Variants in TMEM132B observed in about 807,000 individuals in gnomAD.
The protein encoded by TMEM132B is transmembrane protein 132B.
Under a neutral mutation model 90.8 loss-of-function variants are expected in TMEM132B, and 18 were observed. That is an observed-to-expected ratio of 0.20 (90% confidence interval 0.14 to 0.29). TMEM132B has a LOEUF of 0.29. Ranked by LOEUF, TMEM132B falls within the 10% of genes least tolerant of loss-of-function variation. TMEM132B has a pLI of 1.00. For missense variants in TMEM132B, 1,096 were observed against 1,326.8 expected (o/e 0.83, Z 2.70); for synonymous variants, 504 against 523.3 (o/e 0.96, Z 0.50).
Position 125,246,750 on chromosome 12 carries a change from C to G in TMEM132B, c.67+59884C>G, listed in dbSNP as rs1874216450. ...GAGCCGGCTTTCAGGCACCTATCTT[C>G]TCACCCTTTGTTCCTGTGGACAGAA... On this transcript the variant is annotated intron_variant, in intron 1 of 8. Coordinates refer to ENST00000682704, the MANE Select transcript of TMEM132B (RefSeq NM_001366854.1). The surrounding 1 kb of genome is among the most constrained non-coding windows in gnomAD (Gnocchi z 4.2). Among the ~76,000 whole-genome samples the G allele has an allele frequency of 6.6e-6, 1 of 152,220 alleles. No homozygotes were observed. The highest frequency in any genetic ancestry group is 2.1e-4 in the South Asian group (1 of 4,826).
intron 2 of TMEM132B, among the ~76,000 whole-genome samples, chr12:125,385,982 G>A (rs561268878): frequency 1.3e-5 from 2 of 152,226 alleles, no homozygotes; most frequent in South Asian, 2.1e-4. Context: ...TGAAGTGCTT[G>A]TTTGCTTGTT....
chr12:125,548,753 T>G (rs940463091), intron 4 of TMEM132B, among the ~76,000 whole-genome samples: 1 of 152,176 alleles, frequency 6.6e-6, no homozygotes, highest in Admixed American at 6.5e-5. Context: ...TTGACATGGT[T>G]TATGTTTGAG....
At chr12:125,428,304 CTT>C (rs11456891) in intron 3 of TMEM132B, among the ~76,000 whole-genome samples, 1,689 of 152,064 alleles carry the variant, frequency 0.011, 29 homozygotes, top group African/African-American at 0.037. Flanking sequence ...GTAAATGACT[CTT>C]TATTTGGCCT....
intron 1 of TMEM132B, among the ~76,000 whole-genome samples, chr12:125,237,188 T>C (rs536664378): frequency 1.2e-4 from 19 of 152,086 alleles, no homozygotes; most frequent in African/African-American, 4.3e-4. Flanking sequence ...TAGAGAGAGG[T>C]AGGTGTTCCA....
At chr12:125,461,019 T>G (rs1311385470) in intron 3 of TMEM132B, among the ~76,000 whole-genome samples, 1 of 152,250 alleles carries the variant, frequency 6.6e-6, no homozygotes, top group Non-Finnish European at 1.5e-5. Flanking sequence ...TGGGATAATC[T>G]GAGTTATGAG....
intron 2 of TMEM132B, among the ~76,000 whole-genome samples, chr12:125,387,387 T>A (rs1878871481): frequency 6.6e-6 from 1 of 152,230 alleles, no homozygotes; most frequent in Non-Finnish European, 1.5e-5. Flanking sequence ...TTGGGTCTCT[T>A]ATCTGTGTGC....
intron 3 of TMEM132B, among the ~76,000 whole-genome samples, chr12:125,439,089 A>G (rs1211974944): frequency 6.6e-6 from 1 of 151,952 alleles, no homozygotes; most frequent in Non-Finnish European, 1.5e-5. Flanking sequence ...GAAGTCAGGT[A>G]AGGTGATGTC....
Position 125,186,740 on chromosome 12 carries a change from G to C in TMEM132B, c.-60G>C, listed in dbSNP as rs1957762565. ...GCCGGGGGCTGCTCCGGGAGCCGCG[G>C]GCCGGGCCGGGCGCGCGAGAGGAGC... On this transcript the variant is annotated 5_prime_UTR_variant, in exon 1 of 9. Transcript: ENST00000682704. The surrounding 1 kb of genome is among the most constrained non-coding windows in gnomAD (Gnocchi z 6.3). 1 of 146,970 alleles carries C rather than the reference G, an allele frequency of 6.8e-6. No individual in the cohort carries two copies. Among genetic ancestry groups the C allele is most frequent in the African/African-American group, 2.4e-5 (1 of 40,882 alleles). The allele number at this position is 146,970 out of a possible 1,614,324, so 9.1% of individuals were successfully genotyped here.
intron 1 of TMEM132B, among the ~76,000 whole-genome samples, chr12:125,283,699 G>A (rs1223400942): frequency 1.3e-5 from 2 of 152,222 alleles, no homozygotes; most frequent in Non-Finnish European, 1.5e-5. Flanking sequence ...CCTGTAATGC[G>A]TCTTGTCTGG....
intron 3 of TMEM132B, among the ~76,000 whole-genome samples, chr12:125,474,758 G>C (rs1207731946): frequency 6.6e-6 from 1 of 152,194 alleles, no homozygotes; most frequent in African/African-American, 2.4e-5. Context: ...TGGATCCAGG[G>C]GGACCTGACC....
At chr12:125,622,512 T>C in intron 5 of TMEM132B, 1 of 985,366 alleles carries the variant, frequency 1.0e-6, no homozygotes, top group Non-Finnish European at 1.2e-6. Flanking sequence ...AAGAAAGGTG[T>C]AGATCCTGCA....
At chr12:125,219,013 A>G (rs1463737894) in intron 1 of TMEM132B, among the ~76,000 whole-genome samples, 1 of 152,154 alleles carries the variant, frequency 6.6e-6, no homozygotes, top group African/African-American at 2.4e-5. Context: ...TACCCTTTAA[A>G]ATAGTTAATT....
intron 4 of TMEM132B, among the ~76,000 whole-genome samples, chr12:125,556,676 T>C (rs1023593151): frequency 6.6e-6 from 1 of 152,212 alleles, no homozygotes; most frequent in Non-Finnish European, 1.5e-5. Flanking sequence ...AGGGCGAGCT[T>C]CTTTGAGGTT....
intron 1 of TMEM132B, among the ~76,000 whole-genome samples, chr12:125,218,675 C>T (rs1462421182): frequency 6.6e-6 from 1 of 151,402 alleles, no homozygotes; most frequent in African/African-American, 2.4e-5. Flanking sequence ...CAGGATCCCA[C>T]CATGAACTTG....
At chr12:125,193,913 C>G (rs1872862693) in intron 1 of TMEM132B, among the ~76,000 whole-genome samples, 1 of 152,222 alleles carries the variant, frequency 6.6e-6, no homozygotes, top group African/African-American at 2.4e-5. Context: ...CTCAGAGGAG[C>G]TGGTCATCGC....
chr12:125,548,860 T>C (rs1884153642), intron 4 of TMEM132B, among the ~76,000 whole-genome samples: 1 of 152,168 alleles, frequency 6.6e-6, no homozygotes, highest in Admixed American at 6.5e-5. Context: ...TGGTGGCTTA[T>C]GCTAGGAAGG....
intron 1 of TMEM132B, among the ~76,000 whole-genome samples, chr12:125,232,848 TAAG>T (rs1256273674): frequency 6.6e-6 from 1 of 152,250 alleles, no homozygotes; most frequent in African/African-American, 2.4e-5. Context: ...TTCTAGCTAA[TAAG>T]AAGATCTTTC....
Position 125,407,019 on chromosome 12 carries a change from G to C in TMEM132B, c.960-8512G>C, listed in dbSNP as rs571059228. On this transcript the variant is annotated intron_variant, in intron 2 of 8. Transcript: ENST00000682704. The surrounding 1 kb of genome is among the most constrained non-coding windows in gnomAD (Gnocchi z 6.7). ...GCTGATGTGCAACCATAGGCACAGA[G>C]TGCTGCCAACTGGGGGAGCTCACCC... Among the ~76,000 whole-genome samples the C allele has an allele frequency of 2.0e-5, 3 of 152,284 alleles. No individual in the cohort carries two copies. In the East Asian group the frequency reaches 5.8e-4, roughly 29 times the overall value.
intron 1 of TMEM132B, among the ~76,000 whole-genome samples, chr12:125,309,077 T>C (rs1025089816): frequency 6.6e-6 from 1 of 152,244 alleles, no homozygotes; most frequent in African/African-American, 2.4e-5. Context: ...ATGTCATGAT[T>C]TATTTAGCTC....
Sources: allele counts gnomAD v4.1 joint callset (sites outside exome capture counted in the v4.1 genomes callset), GRCh38; gene constraint gnomAD v4.1.1; non-coding constraint Gnocchi (gnomAD v3.1); transcripts MANE v1.5; gene names NCBI Gene and HGNC (gene_info 2026-07-23, HGNC 2026-07-21).